KLHL1: variants seen among roughly 807,000 people sequenced by gnomAD.
KLHL1 encodes the protein kelch-like protein 1.
Under a neutral mutation model 77.7 loss-of-function variants are expected in KLHL1, and 47 were observed. The observed-to-expected ratio is 0.60, with a 90% CI of 0.48 to 0.77. The LOEUF is 0.77. KLHL1 is among the 30% of genes least tolerant of loss of function. The pLI is 0.00. For synonymous variants in KLHL1, 360 were observed against 325.2 expected (o/e 1.11, Z -1.15); for missense variants, 925 against 910.8 (o/e 1.02, Z -0.20).
chr13:69,756,785 G>A (rs1014089168), intron 7 of KLHL1, among the ~76,000 whole-genome samples: 1 of 152,066 alleles, frequency 6.6e-6, no homozygotes, highest in African/African-American at 2.4e-5. Flanking sequence ...ATAACTAAAT[G>A]TATTAAATAT....
chr13:70,071,932 G>A (rs906192796), intron 1 of KLHL1, among the ~76,000 whole-genome samples: 2 of 151,964 alleles, frequency 1.3e-5, no homozygotes, highest in Admixed American at 6.6e-5. Flanking sequence ...TAAGCCTGAA[G>A]TAAGCAGAAG....
intron 7 of KLHL1, among the ~76,000 whole-genome samples, chr13:69,789,617 C>T (rs1427289655): frequency 6.6e-6 from 1 of 151,942 alleles, no homozygotes; most frequent in African/African-American, 2.4e-5. Flanking sequence ...AACAAATGAC[C>T]ATTTTTTTTC....
intron 5 of KLHL1, among the ~76,000 whole-genome samples, chr13:69,861,764 A>G (rs983440695): frequency 3.5e-5 from 5 of 143,828 alleles, no homozygotes; most frequent in Admixed American, 7.1e-5. Context: ...CCTGACCAAC[A>G]TGGAGAAACC....
rs141353427 is a variant in KLHL1 at position 69,706,781 on chromosome 13, G to A, written c.2187+844C>T. Among the ~76,000 whole-genome samples the A allele has an allele frequency of 5.6e-3, 852 of 152,076 alleles. 6 individuals are homozygous for A. The highest frequency in any genetic ancestry group is 0.02 in the African/African-American group (815 of 41,536). On this transcript the variant is annotated intron_variant, in intron 10 of 10. Transcript: ENST00000377844. Reference sequence around the variant, plus strand: ...CTAATATGTAAGGACACAAGTCAGAGTGTATCGATTCCCTCCATCATAAGC... The same window carrying A: ...CTAATATGTAAGGACACAAGTCAGAATGTATCGATTCCCTCCATCATAAGC...
chr13:69,811,222 C>T (rs1003892242), intron 6 of KLHL1, among the ~76,000 whole-genome samples: 3 of 151,968 alleles, frequency 2.0e-5, no homozygotes, highest in African/African-American at 4.8e-5. Context: ...AACAAAAATC[C>T]TCAACAAAAT....
intron 3 of KLHL1, among the ~76,000 whole-genome samples, chr13:69,940,784 C>T (rs1452100110): frequency 2.6e-4 from 13 of 50,620 alleles, no homozygotes; most frequent in Admixed American, 1.0e-3. Context: ...GTCATTTTAT[C>T]TTAAAGGCAA....
At chr13:70,005,686 T>G (rs1885389857) in intron 1 of KLHL1, among the ~76,000 whole-genome samples, 1 of 152,008 alleles carries the variant, frequency 6.6e-6, no homozygotes, top group Non-Finnish European at 1.5e-5. Context: ...TATTTCGCTT[T>G]GATTAAAATA....
At position 69,963,071 on chromosome 13, in the gene KLHL1, T is replaced by C. The variant is rs79369594; in HGVS notation, c.681-1627A>G. 1.8e-3 allele frequency among the ~76,000 whole-genome samples: 275 copies of C among 151,938 alleles called. 6 individuals are homozygous for C. The East Asian group carries it at 0.045, about 25-fold the overall frequency. On this transcript the variant is annotated intron_variant, in intron 2 of 10. Transcript: ENST00000377844. Reference sequence around the variant, plus strand: ...TATTTGTTTGTTTATAATTTCAGCATTTTTTTTAGAGACAGTATCTCTTTC... The same window carrying C: ...TATTTGTTTGTTTATAATTTCAGCACTTTTTTTAGAGACAGTATCTCTTTC...
rs141822817 is a variant in KLHL1, at chr13:69,892,129, C to T, written c.1015-9634G>A. Among the ~76,000 whole-genome samples, 61 of 152,170 alleles carry T rather than the reference C, an allele frequency of 4.0e-4. No individual in the cohort carries two copies. The East Asian group carries it at 0.012, about 29-fold the overall frequency. On this transcript the variant is annotated intron_variant, in intron 4 of 10. Transcript: ENST00000377844. ...TCTGCCTCCTTGATAAATTGCTGAA[C>T]ATCGGTATTTGCCAATATTCTTTAG...
chr13:69,842,453 A>G (rs925464686), intron 5 of KLHL1, among the ~76,000 whole-genome samples: 3 of 151,924 alleles, frequency 2.0e-5, no homozygotes, highest in African/African-American at 7.2e-5. Flanking sequence ...GCTCAACATC[A>G]TTAATCATCA....
chr13:69,730,316 G>A (rs1306614017), intron 8 of KLHL1, among the ~76,000 whole-genome samples: 1 of 151,256 alleles, frequency 6.6e-6, no homozygotes, highest in Non-Finnish European at 1.5e-5. Context: ...ACAAAATAAT[G>A]TAAAAAGTGA....
chr13:70,062,620 TACTC>T (rs1886918386), intron 1 of KLHL1, among the ~76,000 whole-genome samples: 1 of 152,172 alleles, frequency 6.6e-6, no homozygotes, highest in Non-Finnish European at 1.5e-5. Context: ...AAAAAGTGGA[TACTC>T]AGTAAGTTGT....
At chr13:69,770,017 A>G (rs1875488415) in intron 7 of KLHL1, among the ~76,000 whole-genome samples, 1 of 152,122 alleles carries the variant, frequency 6.6e-6, no homozygotes, top group South Asian at 2.1e-4. Context: ...CAGAGCTGTG[A>G]CATGCCCTTG....
intron 4 of KLHL1, among the ~76,000 whole-genome samples, chr13:69,934,063 T>C (rs935031819): frequency 6.6e-6 from 1 of 152,176 alleles, no homozygotes; most frequent in African/African-American, 2.4e-5. Flanking sequence ...TTAACAATCC[T>C]GAATCACAGT....
chr13:70,024,048 T>C (rs1223889348), intron 1 of KLHL1, among the ~76,000 whole-genome samples: 1 of 151,738 alleles, frequency 6.6e-6, no homozygotes, highest in Non-Finnish European at 1.5e-5. Context: ...GCAAAAAAAA[T>C]GTATTAGGGT....
chr13:69,750,338 C>A (rs1295312419), intron 7 of KLHL1, among the ~76,000 whole-genome samples: 1 of 151,448 alleles, frequency 6.6e-6, no homozygotes, highest in Non-Finnish European at 1.5e-5. Context: ...ACTTCAGAAA[C>A]AAGAAATAAT....
At chr13:69,976,847 T>C (rs1030048838) in intron 1 of KLHL1, among the ~76,000 whole-genome samples, 17 of 152,116 alleles carry the variant, frequency 1.1e-4, no homozygotes, top group Non-Finnish European at 2.4e-4. Flanking sequence ...AAAGCTAAGA[T>C]CCTGAAATAC....
At chr13:69,768,612 A>G (rs1229345165) in intron 7 of KLHL1, among the ~76,000 whole-genome samples, 1 of 152,212 alleles carries the variant, frequency 6.6e-6, no homozygotes, top group Non-Finnish European at 1.5e-5. Context: ...AAAAAATTAT[A>G]CTGATTCTGC....
chr13:70,067,648 CA>C, intron 1 of KLHL1, among the ~76,000 whole-genome samples: 1 of 152,000 alleles, frequency 6.6e-6, no homozygotes, highest in South Asian at 2.1e-4. Flanking sequence ...ACAACAACAA[CA>C]ACAACAACAA....
Sources: gnomAD v4.1 joint callset for allele counts (sites outside exome capture counted in the v4.1 genomes callset) on GRCh38, gnomAD v4.1.1 for gene constraint, MANE v1.5 for transcripts, NCBI Gene and HGNC (gene_info 2026-07-23, HGNC 2026-07-21) for gene names.